OSBPL8: variants seen among roughly 807,000 people sequenced by gnomAD.
OSBPL8 encodes the protein oxysterol-binding protein-related protein 8.
A neutral mutation model predicts 125.5 loss-of-function variants in OSBPL8; 59 were observed. The observed-to-expected ratio is 0.47, with a 90% CI of 0.38 to 0.58. OSBPL8 has a LOEUF of 0.58. Among genes scored for constraint, OSBPL8 ranks in the 20% least tolerant of loss-of-function variants. The probability of loss-of-function intolerance (pLI) is 0.00; values close to 1 mark genes in which losing one functional copy is unlikely to be tolerated. For missense variants in OSBPL8, 758 were observed against 1,047.8 expected, an observed-to-expected ratio of 0.72 and a Z score of 3.82; for synonymous variants, 330 against 338.9, an observed-to-expected ratio of 0.97 and a Z score of 0.29.
chr12:76,479,039 C>T (rs569938882), intron 2 of OSBPL8, among the ~76,000 whole-genome samples: 5 of 152,224 alleles, frequency 3.3e-5, no homozygotes, highest in East Asian at 3.9e-4. Flanking sequence ...CCAGCCTGGG[C>T]GACAGAGCGA....
At chr12:76,439,849 T>A (rs939027294) in intron 4 of OSBPL8, among the ~76,000 whole-genome samples, 2 of 152,216 alleles carry the variant, frequency 1.3e-5, no homozygotes, top group Non-Finnish European at 2.9e-5. Context: ...TCATTCCTAA[T>A]GTTTCTTTTT....
chr12:76,389,679 A>C lies in OSBPL8; in HGVS notation c.1318T>G (p.Ser440Ala). ...AAATCTGCATGATAGTAGTAATCTGAAAGTTTATCCAGGAAAGAACGGGGT... is the reference window on the plus strand; with the variant it reads ...AAATCTGCATGATAGTAGTAATCTGCAAGTTTATCCAGGAAAGAACGGGGT... ...LEPRSFLDKL[S>A]DYYYHADFLS... Residue 440 changes from serine (S) to alanine (A), a missense_variant, in exon 12 of 24, where the codon TCA (serine) becomes GCA (alanine). Around this residue, in one of 3 missense-constraint regions of OSBPL8, gnomAD observed 572 missense variants for 762.0 expected, o/e 0.75. Transcript: ENST00000261183. 1 of 1,599,294 alleles carries C rather than the reference A, an allele frequency of 6.3e-7. No homozygotes were observed. The highest frequency in any genetic ancestry group is 8.5e-7 in the Non-Finnish European group (1 of 1,172,214).
chr12:76,372,686 C>G (rs568994211), intron 18 of OSBPL8, among the ~76,000 whole-genome samples: 1 of 152,214 alleles, frequency 6.6e-6, no homozygotes, highest in Non-Finnish European at 1.5e-5. Context: ...TATGGTATAT[C>G]CATGCAGTAC....
At chr12:76,413,550 G>A (rs1868319618) in intron 4 of OSBPL8, among the ~76,000 whole-genome samples, 2 of 152,208 alleles carry the variant, frequency 1.3e-5, no homozygotes, top group African/African-American at 2.4e-5. Context: ...CAGAGCATGT[G>A]TAACTTAAAC....
chr12:76,509,971 C>CA (rs988033018), intron 1 of OSBPL8, among the ~76,000 whole-genome samples: 1 of 152,156 alleles, frequency 6.6e-6, no homozygotes, highest in African/African-American at 2.4e-5. Flanking sequence ...TAGATATTCC[C>CA]AAAAACACTG....
intron 1 of OSBPL8, among the ~76,000 whole-genome samples, chr12:76,558,935 C>T (rs1013849664): frequency 8.5e-5 from 13 of 152,226 alleles, no homozygotes; most frequent in African/African-American, 2.9e-4. Context: ...CACCGTGTCG[C>T]TTGGCTCTGC....
chr12:76,374,122 TC>T (rs1952724219), intron 17 of OSBPL8, among the ~76,000 whole-genome samples: 2 of 152,316 alleles, frequency 1.3e-5, no homozygotes, highest in African/African-American at 4.8e-5. Flanking sequence ...GTCTTTTTTA[TC>T]AGAGCAAAAT....
intron 1 of OSBPL8, among the ~76,000 whole-genome samples, chr12:76,499,567 T>C (rs1879679122): frequency 6.6e-6 from 1 of 152,000 alleles, no homozygotes; most frequent in African/African-American, 2.4e-5. Context: ...TATCAATTTG[T>C]CAGCCAGGTA....
intron 2 of OSBPL8, among the ~76,000 whole-genome samples, chr12:76,483,021 G>A (rs1022285933): frequency 1.3e-5 from 2 of 152,290 alleles, no homozygotes; most frequent in East Asian, 3.9e-4. Context: ...CAGCACTTTA[G>A]GAGGCCGAGG....
intron 5 of OSBPL8, among the ~76,000 whole-genome samples, chr12:76,406,859 C>T (rs1226941816): frequency 2.0e-5 from 3 of 152,124 alleles, no homozygotes; most frequent in African/African-American, 7.2e-5. Flanking sequence ...GCAATTCTTC[C>T]ACCTCAGCCT....
At chr12:76,540,487 CGTGTGTGTGTGTGTGT>C (rs59101769) in intron 1 of OSBPL8, among the ~76,000 whole-genome samples, 28 of 141,740 alleles carry the variant, frequency 2.0e-4, no homozygotes, top group Middle Eastern at 6.9e-3. Flanking sequence ...ATTATATAGT[CGTGTGTGTGTGTGTGT>C]GTGTGTGTGT....
rs1951915415 is a variant in OSBPL8, at chr12:76,354,390, T to C, written c.*1499A>G. 6.6e-6 allele frequency: 1 copy of C among 151,960 alleles called. No individual in the cohort carries two copies. Among genetic ancestry groups the C allele is most frequent in the Non-Finnish European group, 1.5e-5 (1 of 67,834 alleles). 9.4% of individuals were successfully genotyped at this position (151,960 alleles called of 1,614,324 possible). A position where few individuals can be genotyped will look rare whatever the true frequency, so the allele number is the denominator to read the frequency against. On this transcript the variant is annotated 3_prime_UTR_variant, in exon 24 of 24. Coordinates refer to ENST00000261183, the MANE Select transcript of OSBPL8 (RefSeq NM_020841.5). The stretch of plus-strand genomic sequence containing the variant: ...AAGCAGGCTCTTTTTATCATTTTGA[T>C]TCTCATAATTTACCAATCAATGTAT...
chr12:76,434,884 A>G (rs1871259809), intron 4 of OSBPL8, among the ~76,000 whole-genome samples: 1 of 152,170 alleles, frequency 6.6e-6, no homozygotes, highest in African/African-American at 2.4e-5. Context: ...GGATGCAGGG[A>G]AAAAGGGACT....
intron 3 of OSBPL8, among the ~76,000 whole-genome samples, chr12:76,455,689 CAACTATACAGACA>C (rs1344477665): frequency 6.6e-6 from 1 of 152,148 alleles, no homozygotes; most frequent in African/African-American, 2.4e-5. Flanking sequence ...CAAGCATTAA[CAACTATACAGACA>C]AAAGAGGCTA....
rs768329732 is a variant in OSBPL8, at chr12:76,390,502, T to C, written c.1085A>G (p.Asp362Gly). ...ESDTDTSERQ[D>G]DSYIEPEPVE... ...AGGCTCAGGTTCGATATATGAGTCA[T>C]CTTGTCTTTCTGATGTATCTGTGTC... is the stretch of plus-strand genomic sequence containing the variant. Residue 362 changes from aspartate to glycine, a missense_variant, in exon 11 of 24, where the codon GAT (aspartate) becomes GGT (glycine). This residue lies in a region of OSBPL8 where 572 missense variants were observed against 762.0 expected (regional missense o/e 0.75). Coordinates refer to ENST00000261183, the MANE Select transcript of OSBPL8 (RefSeq NM_020841.5). 6.2e-7 allele frequency: 1 copy of C among 1,613,956 alleles called. No individual in the cohort carries two copies. The highest frequency in any genetic ancestry group is 8.5e-7 in the Non-Finnish European group (1 of 1,179,926).
intron 19 of OSBPL8, chr12:76,371,109 T>G (rs917392396): frequency 6.1e-6 from 1 of 162,836 alleles, no homozygotes; most frequent in Non-Finnish European, 1.3e-5. Flanking sequence ...TTCTAATGCT[T>G]AAATCAGGTT....
At chr12:76,441,338 T>G (rs1482527846) in intron 4 of OSBPL8, among the ~76,000 whole-genome samples, 1 of 152,184 alleles carries the variant, frequency 6.6e-6, no homozygotes, top group Non-Finnish European at 1.5e-5. Context: ...AATTTATGTA[T>G]GTTCAAAGTT....
intron 2 of OSBPL8, among the ~76,000 whole-genome samples, chr12:76,486,262 G>A (rs1459508844): frequency 6.6e-6 from 1 of 152,156 alleles, no homozygotes; most frequent in Non-Finnish European, 1.5e-5. Flanking sequence ...TCCTACACTG[G>A]AGCCTGAACA....
intron 4 of OSBPL8, among the ~76,000 whole-genome samples, chr12:76,436,468 C>T: frequency 6.6e-6 from 1 of 151,466 alleles, no homozygotes; most frequent in East Asian, 1.9e-4. Flanking sequence ...AAATTCCACC[C>T]CCCCGCCCAA....
Sources: gnomAD v4.1 joint callset for allele counts (sites outside exome capture counted in the v4.1 genomes callset) on GRCh38, gnomAD v4.1.1 for gene constraint, gnomAD v4.1.1 regional missense constraint, MANE v1.5 for transcripts, NCBI Gene and HGNC (gene_info 2026-07-23, HGNC 2026-07-21) for gene names.